DYSF: variants seen among roughly 807,000 people sequenced by gnomAD.
DYSF encodes the protein dystrophy-associated fer-1-like 1.
Under a neutral mutation model 274.9 loss-of-function variants are expected in DYSF, and 212 were observed. The ratio of observed to expected loss-of-function variants is 0.77; its 90% CI spans 0.69 to 0.86. The LOEUF is 0.86. DYSF is among the 40% of genes least tolerant of loss of function. The pLI is 0.00. For missense variants in DYSF, 2,666 were observed against 2,783.2 expected, an observed-to-expected ratio of 0.96 and a Z score of 0.95; for synonymous variants, 1,091 against 1,078.7, an observed-to-expected ratio of 1.01 and a Z score of -0.22.
chr2:71,512,373 T>C (rs1418289945), intron 5 of DYSF, among the ~76,000 whole-genome samples: 3 of 152,234 alleles, frequency 2.0e-5, no homozygotes, highest in Non-Finnish European at 4.4e-5. Flanking sequence ...TTTTTTTTCT[T>C]GAAAGAGCCC....
At chr2:71,656,686 A>C (rs2094779040) in intron 43 of DYSF, among the ~76,000 whole-genome samples, 1 of 152,178 alleles carries the variant, frequency 6.6e-6, no homozygotes, top group South Asian at 2.1e-4. Flanking sequence ...GGGGAAAGGC[A>C]GTTCTTATAT....
intron 52 of DYSF, among the ~76,000 whole-genome samples, chr2:71,677,759 G>A (rs1426363419): frequency 1.3e-5 from 2 of 152,130 alleles, no homozygotes; most frequent in Admixed American, 6.5e-5. Flanking sequence ...AAAATGATTC[G>A]GCTGCTGTGG....
chr2:71,626,748 T>C (rs1188951666), intron 41 of DYSF, among the ~76,000 whole-genome samples: 1 of 151,982 alleles, frequency 6.6e-6, no homozygotes, highest in African/African-American at 2.4e-5. Flanking sequence ...AGCCGTAAGA[T>C]TGGCATTATC....
At chr2:71,558,324 G>A (rs1217739549) in intron 22 of DYSF, among the ~76,000 whole-genome samples, 1 of 152,190 alleles carries the variant, frequency 6.6e-6, no homozygotes, top group African/African-American at 2.4e-5. Flanking sequence ...GCTGTGTTGA[G>A]GTATCTGTGA....
At chr2:71,535,360 G>T (rs374936462) in intron 16 of DYSF, 49 bp downstream of exon 16, 1 of 1,540,306 alleles carries the variant, frequency 6.5e-7, no homozygotes, top group South Asian at 1.1e-5. Flanking sequence ...CTGAGGGGGC[G>T]CTGGGTCCCT....
At position 71,553,959 on chromosome 2, in the gene DYSF, C is replaced by T. The variant is rs775950097; in HGVS notation, c.2109+28C>T. 8.9e-5 allele frequency: 143 copies of T among 1,613,926 alleles called. 1 individual carries two copies. The highest frequency in any genetic ancestry group is 1.0e-4 in the Non-Finnish European group (118 of 1,179,974). On this transcript the variant is annotated intron_variant, in intron 21 of 55. Transcript: ENST00000410020. ...GAGTGAAAACTTGCCCAAAGCTGCA[C>T]ATGCCTATGCATGCACCTGCTACCC...
chr2:71,660,486 G>A, intron 44 of DYSF, 74 bp from the exon 45 acceptor site: 2 of 1,311,078 alleles, frequency 1.5e-6, no homozygotes, highest in Non-Finnish European at 2.2e-6. Context: ...CCCATCCAGA[G>A]GCAAGGCACT....
intron 38 of DYSF, 50 bp from the exon 39 acceptor site, chr2:71,612,591 G>A: frequency 6.2e-7 from 1 of 1,606,944 alleles, no homozygotes. Flanking sequence ...TTGACCTGGA[G>A]ACTTCCCAGA....
intron 13 of DYSF, among the ~76,000 whole-genome samples, chr2:71,527,889 C>T: frequency 6.6e-6 from 1 of 152,028 alleles, no homozygotes; most frequent in South Asian, 2.1e-4. Context: ...TCTTGGTTAA[C>T]CTCAGGTAAA....
chr2:71,542,114 G>A (rs2089976632), intron 17 of DYSF, among the ~76,000 whole-genome samples: 2 of 152,170 alleles, frequency 1.3e-5, no homozygotes, highest in South Asian at 4.1e-4. Flanking sequence ...TTGTAACTGA[G>A]TGAGTTGCTC....
intron 1 of DYSF, among the ~76,000 whole-genome samples, chr2:71,480,151 A>T (rs939765607): frequency 6.6e-6 from 1 of 152,158 alleles, no homozygotes; most frequent in Non-Finnish European, 1.5e-5. Flanking sequence ...CCTATTCTGG[A>T]CATTTCTTAT....
chr2:71,654,025 A>G (rs2094720507), intron 42 of DYSF, among the ~76,000 whole-genome samples: 1 of 152,196 alleles, frequency 6.6e-6, no homozygotes, highest in South Asian at 2.1e-4. Flanking sequence ...AAAGTTTAAT[A>G]TCCTTTATAT....
chr2:71,586,019 G>A (rs919845118), intron 30 of DYSF, among the ~76,000 whole-genome samples: 13 of 151,948 alleles, frequency 8.6e-5, no homozygotes, highest in African/African-American at 2.7e-4. Context: ...GGTAGGGGGT[G>A]TAGGGGTTTG....
chr2:71,685,847 G>T (rs533976821), intron 55 of DYSF, among the ~76,000 whole-genome samples: 1 of 152,166 alleles, frequency 6.6e-6, no homozygotes, highest in East Asian at 1.9e-4. Flanking sequence ...CATGGTTTTT[G>T]GGGGGAGAAG....
At chr2:71,551,574 C>T in intron 18 of DYSF, 33 bp from the exon 19 acceptor site, 4 of 1,570,052 alleles carry the variant, frequency 2.5e-6, no homozygotes, top group Non-Finnish European at 3.5e-6. Context: ...CCCTCTGTCT[C>T]CCCTGCTCCT....
intron 6 of DYSF, 99 bp from the exon 7 acceptor site, chr2:71,513,617 A>ATGCCTTT: frequency 8.0e-7 from 1 of 1,252,516 alleles, no homozygotes; most frequent in Non-Finnish European, 1.1e-6. Context: ...CTTAGGGCCC[A>ATGCCTTT]TGCCTTTTGG....
Position 71,645,993 on chromosome 2 carries a change from G to A in DYSF, c.4626+1930G>A, listed in dbSNP as rs141102362. The stretch of plus-strand genomic sequence containing the variant: ...TGGGCTTTCAGGTGATTCTTTTGGC[G>A]CAGAGTCTCTGCTAGGCACTCTGGA... On this transcript the variant is annotated intron_variant, in intron 42 of 55. Coordinates refer to ENST00000410020, the MANE Select transcript of DYSF (RefSeq NM_001130987.2). Among the ~76,000 whole-genome samples, 22 of 152,250 alleles carry A rather than the reference G, an allele frequency of 1.4e-4. No individual in the cohort carries two copies. In the East Asian group the frequency reaches 1.7e-3, roughly 12 times the overall value.
intron 3 of DYSF, among the ~76,000 whole-genome samples, chr2:71,493,875 G>C (rs374977228): frequency 1.4e-5 from 1 of 71,414 alleles, no homozygotes; most frequent in African/African-American, 4.9e-5. Flanking sequence ...AAAAAAAAAA[G>C]AAAGAAAGAA....
chr2:71,484,706 C>T (rs1264864990), intron 3 of DYSF, among the ~76,000 whole-genome samples: 3 of 152,154 alleles, frequency 2.0e-5, no homozygotes, highest in South Asian at 2.1e-4. Flanking sequence ...ACTCTATCTC[C>T]GGAAGTTCAA....
Sources: allele counts gnomAD v4.1 joint callset (sites outside exome capture counted in the v4.1 genomes callset), GRCh38; gene constraint gnomAD v4.1.1; transcripts MANE v1.5; gene names NCBI Gene and HGNC (gene_info 2026-07-23, HGNC 2026-07-21).